NDRG2: variants seen among roughly 807,000 people sequenced by gnomAD.
NDRG2 encodes the protein protein NDRG2.
In NDRG2, 34 loss-of-function variants were observed where a neutral mutation model predicts 58.2. The observed-to-expected ratio is 0.58, with a 90% CI of 0.44 to 0.78. The LOEUF (loss-of-function observed/expected upper bound fraction) is 0.78, where lower values mean the gene tolerates loss of function less well. NDRG2 is among the 30% of genes least tolerant of loss of function. The probability of loss-of-function intolerance (pLI) is 0.00; values close to 1 mark genes in which losing one functional copy is unlikely to be tolerated. For missense variants in NDRG2, 434 were observed against 471.2 expected, an observed-to-expected ratio of 0.92 and a Z score of 0.73; for synonymous variants, 187 against 175.9, an observed-to-expected ratio of 1.06 and a Z score of -0.50.
intron 1 of NDRG2, among the ~76,000 whole-genome samples, chr14:21,038,581 C>A (rs1884757374): frequency 6.6e-6 from 1 of 152,110 alleles, no homozygotes; most frequent in Non-Finnish European, 1.5e-5. Flanking sequence ...TTATGAAAGA[C>A]ATGCTTGAAA....
upstream of NDRG2, among the ~76,000 whole-genome samples, chr14:21,029,912 A>G (rs1183545318): frequency 1.3e-5 from 2 of 152,118 alleles, no homozygotes; most frequent in Non-Finnish European, 2.9e-5. Flanking sequence ...ACCCAGTTTG[A>G]TATTTTGTTC....
At chr14:21,030,185 T>C (rs79352703), upstream of NDRG2, 7,165 of 185,300 alleles carry the variant, frequency 0.039, 327 homozygotes, top group African/African-American at 0.12. Flanking sequence ...GCTGAGGTCA[T>C]AGAATCTTCC....
chr14:21,033,823 T>TTCC, intron 1 of NDRG2: 1 of 1,605,100 alleles, frequency 6.2e-7, no homozygotes, highest in Non-Finnish European at 8.5e-7. Context: ...AGGAATTAAA[T>TTCC]TCCCGAATAG....
At chr14:21,067,282 GT>G (rs11444511) in intron 1 of NDRG2, among the ~76,000 whole-genome samples, 2,173 of 150,728 alleles carry the variant, frequency 0.014, 45 homozygotes, top group East Asian at 0.094. Flanking sequence ...AAAAAGGTAG[GT>G]TTTTTTTTTC....
chr14:21,023,334 G>A lies in NDRG2; in HGVS notation c.-6-13C>T. 1 of 1,609,834 alleles carries A rather than the reference G, an allele frequency of 6.2e-7. No individual in the cohort carries two copies. On this transcript the variant is annotated splice_polypyrimidine_tract_variant and intron_variant, in intron 1 of 15. Coordinates refer to ENST00000556147, the MANE Select transcript of NDRG2 (RefSeq NM_001320329.2). Reference sequence around the variant, plus strand: ...CCGCCATGGTGGCCTGGCAGGATGAGGAAATGAGACTGGGAAGTTGTCTCT... The same window carrying A: ...CCGCCATGGTGGCCTGGCAGGATGAAGAAATGAGACTGGGAAGTTGTCTCT...
chr14:21,023,107 G>A, intron 2 of NDRG2, 134 bp downstream of exon 2: 3 of 911,234 alleles, frequency 3.3e-6, no homozygotes, highest in Non-Finnish European at 5.2e-6. Flanking sequence ...ATAGTGTATG[G>A]GGAGAGAGAC....
upstream of NDRG2, among the ~76,000 whole-genome samples, chr14:21,026,760 T>C (rs1344951400): frequency 6.6e-6 from 1 of 151,958 alleles, no homozygotes; most frequent in African/African-American, 2.4e-5. Context: ...TATAACTTTT[T>C]CCCCAGAAAC....
chr14:21,049,824 G>A (rs888751728), intron 1 of NDRG2, among the ~76,000 whole-genome samples: 4 of 151,274 alleles, frequency 2.6e-5, no homozygotes, highest in African/African-American at 4.9e-5. Context: ...GAGTGCAGTG[G>A]CACGATCTCG....
In NDRG2 at chr14:21,070,032, G is replaced by C. The variant is rs1413297609; in HGVS notation, c.24+796C>G. Among the ~76,000 whole-genome samples the C allele has an allele frequency of 1.3e-5, 2 of 152,090 alleles. No individual in the cohort carries two copies. Among genetic ancestry groups the C allele is most frequent in the Non-Finnish European group, 1.5e-5 (1 of 67,994 alleles). ...CATCCTCGGCTGGGCGGGCCTCCGA[G>C]GGTCAGGGTCGAGGTTACCCGCTGG... On this transcript the variant is annotated intron_variant, in intron 1 of 14. Coordinates refer to the NDRG2 transcript ENST00000403829. This position sits in a 1 kb window ranked among gnomAD's most constrained non-coding sequence, Gnocchi z 4.7.
intron 1 of NDRG2, chr14:21,030,969 C>T (rs1884063995): frequency 6.4e-7 from 1 of 1,573,048 alleles, no homozygotes; most frequent in Non-Finnish European, 8.6e-7. Context: ...GAAGGTAATG[C>T]ATTCATGCTC....
chr14:21,062,988 T>C (rs1451567157), intron 1 of NDRG2, among the ~76,000 whole-genome samples: 1 of 149,672 alleles, frequency 6.7e-6, no homozygotes, highest in Non-Finnish European at 1.5e-5. Context: ...TAGCCAGGTG[T>C]AGGGGTGCAC....
In NDRG2 at chr14:21,022,464, T is replaced by C; in HGVS notation, c.151A>G (p.Thr51Ala). 1.2e-6 allele frequency: 2 copies of C among 1,613,894 alleles called. No individual in the cohort carries two copies. Among genetic ancestry groups the C allele is most frequent in the Non-Finnish European group, 1.7e-6 (2 of 1,179,956 alleles). ...TTGGGGGTGCCATAGACAGTGAAAG[T>C]GACAGAGCCGTATGGTGTCTCCACA... ...HSVETPYGSV[T>A]FTVYGTPKPK... Residue 51 changes from threonine (T) to alanine (A), a missense_variant, in exon 4 of 16, where the codon ACT becomes GCT. By Grantham distance (58) the Thr-to-Ala change is moderately conservative (BLOSUM62 0). Coordinates refer to ENST00000556147, the MANE Select transcript of NDRG2 (RefSeq NM_001320329.2).
chr14:21,047,292 T>C (rs1885227842), intron 1 of NDRG2, among the ~76,000 whole-genome samples: 1 of 152,162 alleles, frequency 6.6e-6, no homozygotes, highest in East Asian at 1.9e-4. Context: ...CAAGGAAAAT[T>C]TCACTCCAGG....
chr14:21,046,543 A>ATACC (rs1566498787), intron 1 of NDRG2, among the ~76,000 whole-genome samples: 2 of 34,652 alleles, frequency 5.8e-5, no homozygotes, highest in African/African-American at 6.5e-5. Context: ...CTCAAAACAA[A>ATACC]TACATACATA....
rs773582195 is a variant in NDRG2 at position 21,058,295 on chromosome 14, C to T, written c.24+12533G>A. ...CACACCTTACATAGTGGCCTGTGAC[C>T]CTCCACAACAGGGTGACCCAGGGTA... On this transcript the variant is annotated intron_variant, in intron 1 of 14. Coordinates refer to the NDRG2 transcript ENST00000403829. 13 of 1,614,016 alleles carry T rather than the reference C, an allele frequency of 8.1e-6. No individual in the cohort carries two copies. The East Asian group carries it at 2.7e-4, about 33-fold the overall frequency.
chr14:21,021,194 G>C (rs1195866488), intron 6 of NDRG2: 7 of 460,282 alleles, frequency 1.5e-5, no homozygotes, highest in Admixed American at 1.3e-4. Context: ...TTTAGTTCCT[G>C]GTTCCTCTAG....
At chr14:21,023,425 G>A (rs1339543981) in intron 1 of NDRG2, 104 bp from the exon 2 acceptor site, 1 of 1,049,212 alleles carries the variant, frequency 9.5e-7, no homozygotes, top group South Asian at 1.4e-5. Context: ...GGGAACAGAG[G>A]GACCCAGGGG....
At chr14:21,042,923 T>C (rs974536933) in intron 1 of NDRG2, 1 of 1,360,196 alleles carries the variant, frequency 7.4e-7, no homozygotes, top group East Asian at 2.4e-5. Context: ...ATAAGAGGAC[T>C]AATTTCTCAA....
intron 1 of NDRG2, chr14:21,033,662 G>A: frequency 1.6e-6 from 1 of 643,292 alleles, no homozygotes; most frequent in Non-Finnish European, 2.8e-6. Context: ...TTTGCATGGT[G>A]ATCAAAGCCC....
Sources: allele counts gnomAD v4.1 joint callset (sites outside exome capture counted in the v4.1 genomes callset), GRCh38; gene constraint gnomAD v4.1.1; non-coding constraint Gnocchi (gnomAD v3.1); transcripts MANE v1.5; gene names NCBI Gene and HGNC (gene_info 2026-07-23, HGNC 2026-07-21).